SOX5: variants seen among roughly 807,000 people sequenced by gnomAD.
The protein encoded by SOX5 is transcription factor SOX-5.
SOX5 carries 9 observed loss-of-function variants against 92.0 expected under a neutral mutation model. That is an observed-to-expected ratio of 0.10 (90% CI 0.06 to 0.17). The LOEUF (loss-of-function observed/expected upper bound fraction) is 0.17, where lower values mean the gene tolerates loss of function less well. SOX5 is among the 10% of genes least tolerant of loss of function. The pLI, the probability that SOX5 is intolerant of heterozygous loss-of-function variation, is 1.00. For synonymous variants in SOX5, 344 were observed against 336.3 expected, an observed-to-expected ratio of 1.02 and a Z score of -0.25; for missense variants, 642 against 944.5, an observed-to-expected ratio of 0.68 and a Z score of 4.20.
intron 4 of SOX5, chr12:24,212,456 C>A (rs1263630390): frequency 3.7e-6 from 2 of 534,000 alleles, no homozygotes; most frequent in East Asian, 5.4e-5. Context: ...TGTGTAGGAG[C>A]TAAGACACAC....
At chr12:23,636,152 A>G (rs1454057333) in intron 8 of SOX5, among the ~76,000 whole-genome samples, 1 of 152,194 alleles carries the variant, frequency 6.6e-6, no homozygotes, top group Non-Finnish European at 1.5e-5. Flanking sequence ...TGTGTAAAGA[A>G]AAAGACAGAT....
intron 1 of SOX5, among the ~76,000 whole-genome samples, chr12:24,438,537 T>C (rs1939899679): frequency 1.3e-5 from 2 of 152,110 alleles, no homozygotes; most frequent in Admixed American, 6.5e-5. Flanking sequence ...CTGGAAAAGA[T>C]TCACCATTCT....
intron 1 of SOX5, among the ~76,000 whole-genome samples, chr12:24,374,297 C>A (rs1338131752): frequency 6.6e-6 from 1 of 151,918 alleles, no homozygotes; most frequent in Non-Finnish European, 1.5e-5. Context: ...AGGGTGGCAG[C>A]GAGAGCACAG....
intron 6 of SOX5, among the ~76,000 whole-genome samples, chr12:23,669,930 T>C (rs564467641): frequency 1.3e-5 from 2 of 152,232 alleles, no homozygotes; most frequent in East Asian, 1.9e-4. Flanking sequence ...GGCCACGCTA[T>C]GGGAAGCCAG....
Position 23,701,137 on chromosome 12 carries a change from G to A in SOX5, c.810+33547C>T, listed in dbSNP as rs192112513. ...CAGGAAATTTGAGTTGGCTTATTTCGACTTCTTAGTTATAACCCTTAATTA... is the reference window on the plus strand; with the variant it reads ...CAGGAAATTTGAGTTGGCTTATTTCAACTTCTTAGTTATAACCCTTAATTA... On this transcript the variant is annotated intron_variant, in intron 6 of 14. Transcript: ENST00000451604. Among the ~76,000 whole-genome samples the A allele has an allele frequency of 6.2e-3, 948 of 151,860 alleles. 6 individuals are homozygous for A. Among genetic ancestry groups the A allele is most frequent in the Non-Finnish European group, 0.012 (792 of 67,906 alleles).
rs201094394 is a variant in SOX5, at chr12:23,563,355, C to T, written c.1391G>A (p.Arg464Gln). 40 of 1,613,936 alleles carry T rather than the reference C, an allele frequency of 2.5e-5. No individual in the cohort carries two copies. The highest frequency in any genetic ancestry group is 4.5e-5 in the East Asian group (2 of 44,864). ...CCGTCGGAGTTGCTCCTTCATTTGC[C>T]GAGCTTCTTGGATTGCCTTGGTGAC... The part of the protein sequence containing the change: ...DAVTKAIQEA[R>Q]QMKEQLRREQ... Residue 464 changes from arginine (R) to glutamine (Q), a missense_variant, in exon 11 of 15, where the codon CGG becomes CAG. Arg to Gln is a conservative substitution (Grantham distance 43, BLOSUM62 1). Transcript: ENST00000451604.
At chr12:23,824,985 G>GAC (rs964642992) in intron 3 of SOX5, among the ~76,000 whole-genome samples, 5 of 152,288 alleles carry the variant, frequency 3.3e-5, no homozygotes, top group African/African-American at 1.2e-4. Context: ...CTGCTGTGCT[G>GAC]ACAGTGAGAA....
At chr12:23,630,966 T>C (rs1566528790) in intron 8 of SOX5, among the ~76,000 whole-genome samples, 1 of 152,046 alleles carries the variant, frequency 6.6e-6, no homozygotes, top group Non-Finnish European at 1.5e-5. Flanking sequence ...TTTGTGTGTG[T>C]GTATCTATAC....
chr12:24,060,512 T>G (rs1370817752), intron 4 of SOX5, among the ~76,000 whole-genome samples: 1 of 152,210 alleles, frequency 6.6e-6, no homozygotes, highest in African/African-American at 2.4e-5. Flanking sequence ...AGTAGAAAAA[T>G]AATACTATTC....
chr12:24,454,092 G>C (rs1942702725), intron 1 of SOX5, among the ~76,000 whole-genome samples: 1 of 152,084 alleles, frequency 6.6e-6, no homozygotes. Flanking sequence ...TATATTCTTT[G>C]TTTCTTCATT....
At chr12:24,370,522 T>G (rs1956627907) in intron 1 of SOX5, among the ~76,000 whole-genome samples, 1 of 146,538 alleles carries the variant, frequency 6.8e-6, no homozygotes, top group Non-Finnish European at 1.5e-5. Flanking sequence ...CCAGGCACAG[T>G]GGCTCATGCC....
chr12:23,779,954 A>AGTGTGTGTGT (rs1255750782), intron 3 of SOX5, among the ~76,000 whole-genome samples: 1 of 41,070 alleles, frequency 2.4e-5, no homozygotes, highest in African/African-American at 7.2e-5. Flanking sequence ...ACACAGCGAG[A>AGTGTGTGTGT]CTGTGTGTGT....
intron 10 of SOX5, among the ~76,000 whole-genome samples, chr12:23,575,307 C>T (rs1948944048): frequency 6.6e-6 from 1 of 151,956 alleles, no homozygotes; most frequent in South Asian, 2.1e-4. Context: ...TTGTGCAATT[C>T]ACAAAAAAAA....
chr12:24,229,891 G>C (rs765907799), intron 3 of SOX5, among the ~76,000 whole-genome samples: 21 of 152,278 alleles, frequency 1.4e-4, no homozygotes, highest in Middle Eastern at 3.4e-3. Flanking sequence ...ATTCCAGGCA[G>C]TTATAAAGAG....
intron 1 of SOX5, among the ~76,000 whole-genome samples, chr12:24,432,756 G>A (rs1484230211): frequency 6.6e-6 from 1 of 152,142 alleles, no homozygotes. Flanking sequence ...AGATTGCAGT[G>A]AGCCAAGATC....
intron 4 of SOX5, among the ~76,000 whole-genome samples, chr12:24,018,179 C>T (rs1460638043): frequency 2.0e-5 from 3 of 152,150 alleles, no homozygotes; most frequent in East Asian, 1.9e-4. Context: ...TCCCTGACCA[C>T]GTCCATTTCA....
intron 8 of SOX5, among the ~76,000 whole-genome samples, chr12:23,633,623 A>G (rs1592769059): frequency 6.6e-6 from 1 of 152,234 alleles, no homozygotes; most frequent in East Asian, 1.9e-4. Flanking sequence ...GAATGAAAAA[A>G]AGAAGGAAGG....
At chr12:24,134,532 C>T (rs917311388) in intron 4 of SOX5, among the ~76,000 whole-genome samples, 7 of 152,088 alleles carry the variant, frequency 4.6e-5, no homozygotes, top group African/African-American at 1.7e-4. Context: ...ATTTATAACA[C>T]ATGCACACAC....
intron 2 of SOX5, among the ~76,000 whole-genome samples, chr12:24,352,892 G>A (rs1954269669): frequency 6.6e-6 from 1 of 152,016 alleles, no homozygotes; most frequent in South Asian, 2.1e-4. Context: ...AGTGTGCACG[G>A]GCCTCACTGG....
Sources: gnomAD v4.1 joint callset for allele counts (sites outside exome capture counted in the v4.1 genomes callset) on GRCh38, gnomAD v4.1.1 for gene constraint, MANE v1.5 for transcripts, NCBI Gene and HGNC (gene_info 2026-07-23, HGNC 2026-07-21) for gene names.